The following RPGRIP1 variants were observed in gnomAD, a reference collection of about 807,000 sequenced individuals.
RPGRIP1 encodes RPGR interacting protein 1.
A neutral mutation model predicts 157.9 loss-of-function variants in RPGRIP1; 128 were observed. The ratio of observed to expected loss-of-function variants is 0.81; its 90% CI spans 0.70 to 0.94. RPGRIP1 has a LOEUF of 0.94. RPGRIP1 is among the 40% of genes least tolerant of loss of function. RPGRIP1 has a pLI of 0.00. For missense variants in RPGRIP1, 1,486 were observed against 1,545.8 expected, an observed-to-expected ratio of 0.96 and a Z score of 0.65; for synonymous variants, 554 against 571.6, an observed-to-expected ratio of 0.97 and a Z score of 0.44.
rs1307696876 is a variant in RPGRIP1 at position 21,325,380 on chromosome 14, G to A, written c.2364G>A (p.Glu788=). 3 of 1,569,568 alleles carry A rather than the reference G, an allele frequency of 1.9e-6. No individual in the cohort carries two copies. Among genetic ancestry groups the A allele is most frequent in the East Asian group, 4.7e-5 (2 of 42,506 alleles). ...DVLGGRKAQE[E]EFRSESWEPQ... ...TTGGAGGCCGGAAGGCCCAGGAAGA[G>A]GAGGTGAGAAAAAAGATGTGCCGAG... The change falls in exon 16 of 25, where the codon GAG becomes GAA. Residue 788 remains glutamate (E), a synonymous_variant. Coordinates refer to ENST00000400017, the MANE Select transcript of RPGRIP1 (RefSeq NM_020366.4).
At chr14:21,289,848 A>G (rs959133200) in intron 2 of RPGRIP1, among the ~76,000 whole-genome samples, 1 of 149,142 alleles carries the variant, frequency 6.7e-6, no homozygotes, top group Non-Finnish European at 1.5e-5. Flanking sequence ...AGACATTACC[A>G]GAATGTTCAT....
At chr14:21,300,891 A>G (rs1244843814) in intron 3 of RPGRIP1, 75 bp from the exon 4 acceptor site, 3 of 1,511,570 alleles carry the variant, frequency 2.0e-6, no homozygotes, top group Non-Finnish European at 2.7e-6. Context: ...TCAATTCGTG[A>G]TTATATGTCC....
At chr14:21,322,753 A>T (rs997939500) in intron 14 of RPGRIP1, among the ~76,000 whole-genome samples, 1 of 152,156 alleles carries the variant, frequency 6.6e-6, no homozygotes, top group Non-Finnish European at 1.5e-5. Flanking sequence ...TATTCTTGTC[A>T]GTGATTTCTC....
chr14:21,293,176 A>G (rs1677633001), intron 2 of RPGRIP1, among the ~76,000 whole-genome samples: 1 of 152,074 alleles, frequency 6.6e-6, no homozygotes, highest in Non-Finnish European at 1.5e-5. Context: ...GCAAAAAAAT[A>G]AAAAATATGG....
intron 10 of RPGRIP1, among the ~76,000 whole-genome samples, chr14:21,315,800 A>ATT (rs1296019158): frequency 2.1e-5 from 3 of 143,906 alleles, no homozygotes; most frequent in African/African-American, 7.8e-5. Context: ...TATTATTATT[A>ATT]TTATTATTTT....
chr14:21,285,446 A>G (rs1359579555), intron 1 of RPGRIP1, among the ~76,000 whole-genome samples: 1 of 151,816 alleles, frequency 6.6e-6, no homozygotes, highest in Non-Finnish European at 1.5e-5. Flanking sequence ...TCTACTAAAA[A>G]CACAAAAAAT....
chr14:21,351,057 T>A lies in RPGRIP1; in HGVS notation c.3749-47T>A, dbSNP rs757041137. On this transcript the variant is annotated intron_variant, in intron 24 of 24. Coordinates refer to ENST00000400017, the MANE Select transcript of RPGRIP1 (RefSeq NM_020366.4). ...TACCTAACCTGACAAATACCAAGTA[T>A]CAAAGTGTTCAACTGAGTGATGCTG... 2.9e-6 allele frequency: 3 copies of A among 1,052,262 alleles called. No homozygotes were observed. In the African/African-American group the frequency reaches 4.7e-5, roughly 17 times the overall value. 65.2% of individuals were successfully genotyped at this position (1,052,262 alleles called of 1,614,324 possible).
At chr14:21,285,965 C>T (rs571686219) in intron 1 of RPGRIP1, among the ~76,000 whole-genome samples, 24 of 151,832 alleles carry the variant, frequency 1.6e-4, no homozygotes, top group African/African-American at 5.6e-4. Flanking sequence ...ATTTTAGTGG[C>T]GGAGACAGGC....
chr14:21,309,666 C>CT (rs1388799856), intron 7 of RPGRIP1, among the ~76,000 whole-genome samples: 1 of 151,872 alleles, frequency 6.6e-6, no homozygotes. Context: ...GAAGGACACA[C>CT]TAAGAATTTT....
intron 6 of RPGRIP1, among the ~76,000 whole-genome samples, chr14:21,306,032 A>T (rs1020026591): frequency 2.0e-5 from 3 of 150,778 alleles, no homozygotes; most frequent in Admixed American, 6.7e-5. Flanking sequence ...GAGTGGAGTG[A>T]ACCCAAATCC....
At chr14:21,322,070 CTG>C in intron 14 of RPGRIP1, 66 bp downstream of exon 14, 1 of 1,414,996 alleles carries the variant, frequency 7.1e-7, no homozygotes, top group African/African-American at 1.4e-5. Flanking sequence ...GTGTTCCACT[CTG>C]TGTACTTGTC....
At chr14:21,324,506 A>G in intron 14 of RPGRIP1, 112 bp from the exon 15 acceptor site, 1 of 901,100 alleles carries the variant, frequency 1.1e-6, no homozygotes, top group Non-Finnish European at 1.8e-6. Context: ...TCTTGAAATA[A>G]TCACAACTTG....
At chr14:21,293,136 A>G (rs1323625621) in intron 2 of RPGRIP1, among the ~76,000 whole-genome samples, 1 of 152,100 alleles carries the variant, frequency 6.6e-6, no homozygotes, top group African/African-American at 2.4e-5. Context: ...AAAAGAGCGA[A>G]ACTCTGTCTC....
intron 1 of RPGRIP1, among the ~76,000 whole-genome samples, chr14:21,286,494 G>C (rs1312647667): frequency 2.7e-5 from 4 of 149,516 alleles, no homozygotes; most frequent in Non-Finnish European, 5.9e-5. Context: ...CAAGAGAAAT[G>C]TTTAAAAAAA....
At position 21,328,467 on chromosome 14, in the gene RPGRIP1, A is replaced by G. The variant is rs1883347565; in HGVS notation, c.2939A>G (p.Tyr980Cys). The change falls in exon 19 of 25, where the codon TAT (tyrosine) becomes TGT (cysteine). Residue 980 changes from tyrosine to cysteine, a missense_variant. Transcript: ENST00000400017. The stretch of plus-strand genomic sequence containing the variant: ...GAGGTTCCCATTGAAGCTGGCCAGT[A>G]TCGATCTAAGAGAAAACCTCCTCAT... ...SPEVPIEAGQ[Y>C]RSKRKPPHGG... 1 of 1,613,838 alleles carries G rather than the reference A, an allele frequency of 6.2e-7. No individual in the cohort carries two copies. The highest frequency in any genetic ancestry group is 8.5e-7 in the Non-Finnish European group (1 of 1,179,816).
chr14:21,338,984 A>G (rs1229829528), intron 21 of RPGRIP1, among the ~76,000 whole-genome samples: 1 of 151,906 alleles, frequency 6.6e-6, no homozygotes, highest in Non-Finnish European at 1.5e-5. Flanking sequence ...AAAAATACAA[A>G]AATTAGCCGG....
chr14:21,286,791 A>G (rs1880314486), intron 1 of RPGRIP1, among the ~76,000 whole-genome samples: 1 of 152,054 alleles, frequency 6.6e-6, no homozygotes, highest in African/African-American at 2.4e-5. Flanking sequence ...CAAAAAACAG[A>G]AAACAAAATT....
At chr14:21,343,866 G>GTTTTTTTTTTTTTTTT (rs67535379) in intron 22 of RPGRIP1, among the ~76,000 whole-genome samples, 5 of 50,438 alleles carry the variant, frequency 9.9e-5, no homozygotes, top group African/African-American at 1.5e-4. Flanking sequence ...CTCTTTTCCT[G>GTTTTTTTTTTTTTTTT]TTTTTTTTTT....
At chr14:21,315,802 TA>T (rs1237641743) in intron 10 of RPGRIP1, among the ~76,000 whole-genome samples, 36 of 136,366 alleles carry the variant, frequency 2.6e-4, no homozygotes, top group Middle Eastern at 4.2e-3. Context: ...TTATTATTAT[TA>T]TTATTTTTTT....
Sources: allele counts gnomAD v4.1 joint callset (sites outside exome capture counted in the v4.1 genomes callset), GRCh38; gene constraint gnomAD v4.1.1; transcripts MANE v1.5; gene names NCBI Gene and HGNC (gene_info 2026-07-23, HGNC 2026-07-21).